The following ARHGAP24 variants were observed in gnomAD, a reference collection of about 807,000 sequenced individuals.
ARHGAP24 encodes rho GTPase-activating protein 24.
Under a neutral mutation model 76.4 loss-of-function variants are expected in ARHGAP24, and 50 were observed. The ratio of observed to expected loss-of-function variants is 0.65; its 90% CI spans 0.52 to 0.83. The LOEUF is 0.83. Among genes scored for constraint, ARHGAP24 ranks in the 40% least tolerant of loss-of-function variants. The probability of loss-of-function intolerance (pLI) is 0.00; values close to 1 mark genes in which losing one functional copy is unlikely to be tolerated. For missense variants in ARHGAP24, 930 were observed against 914.2 expected (o/e 1.02, Z -0.22); for synonymous variants, 345 against 323.3 (o/e 1.07, Z -0.72).
chr4:85,912,304 A>G (rs1192894462), intron 3 of ARHGAP24, among the ~76,000 whole-genome samples: 1 of 152,168 alleles, frequency 6.6e-6, no homozygotes, highest in Non-Finnish European at 1.5e-5. Context: ...TTTAAATTCC[A>G]GGCCCATAAG....
At chr4:85,569,543 G>A (rs183790120) in intron 1 of ARHGAP24, among the ~76,000 whole-genome samples, 58 of 152,170 alleles carry the variant, frequency 3.8e-4, no homozygotes, top group African/African-American at 1.4e-3. Context: ...TTATGTATAG[G>A]TAGTATGGCC....
chr4:85,923,587 A>G (rs1735851888), intron 3 of ARHGAP24, 61 bp from the exon 4 acceptor site: 5 of 1,609,568 alleles, frequency 3.1e-6, no homozygotes, highest in Admixed American at 3.4e-5. Flanking sequence ...GTTCTTCTGG[A>G]GGCTGATCAT....
chr4:85,495,947 A>G (rs765808341), intron 1 of ARHGAP24, among the ~76,000 whole-genome samples: 7 of 152,142 alleles, frequency 4.6e-5, no homozygotes, highest in Non-Finnish European at 8.8e-5. Context: ...TTTGTGTCTC[A>G]TTTTGACTTT....
chr4:85,764,598 C>T (rs191285348), intron 3 of ARHGAP24, among the ~76,000 whole-genome samples: 11 of 152,132 alleles, frequency 7.2e-5, no homozygotes, highest in Admixed American at 5.9e-4. Context: ...AACAGGAGGT[C>T]CATTCCTCCC....
intron 3 of ARHGAP24, among the ~76,000 whole-genome samples, chr4:85,875,772 C>A (rs1191934788): frequency 1.4e-5 from 2 of 146,320 alleles, no homozygotes; most frequent in African/African-American, 5.1e-5. Context: ...TACAGAATAT[C>A]GCTCTGTTGT....
At chr4:85,610,197 C>T (rs758850862) in intron 2 of ARHGAP24, among the ~76,000 whole-genome samples, 32 of 151,848 alleles carry the variant, frequency 2.1e-4, no homozygotes, top group Middle Eastern at 3.4e-3. Context: ...TTAGGAAGCA[C>T]CCTTGGGAAG....
In ARHGAP24 at chr4:85,884,922, C is replaced by T. The variant is rs565056172; in HGVS notation, c.269-38726C>T. On this transcript the variant is annotated intron_variant, in intron 3 of 9. Transcript: ENST00000395184. ...GTATAAACATAATCTCTAAAATGTGCCACCTTTTACACAGTTATATATGGT... is the reference window on the plus strand; with the variant it reads ...GTATAAACATAATCTCTAAAATGTGTCACCTTTTACACAGTTATATATGGT... Among the ~76,000 whole-genome samples, 5 of 152,186 alleles carry T rather than the reference C, an allele frequency of 3.3e-5. No homozygotes were observed. The East Asian group carries it at 5.8e-4, about 18-fold the overall frequency.
At chr4:85,510,329 T>A (rs2062081) in intron 1 of ARHGAP24, among the ~76,000 whole-genome samples, 38,991 of 152,048 alleles carry the variant, frequency 0.26, 5,222 homozygotes, top group African/African-American at 0.33. Context: ...AAATATTTGC[T>A]ATGCATGCCA....
rs200115804 is a variant in ARHGAP24 at position 85,674,918 on chromosome 4, G to A, written c.181-46967G>A. On this transcript the variant is annotated intron_variant, in intron 2 of 9. Coordinates refer to ENST00000395184, the MANE Select transcript of ARHGAP24 (RefSeq NM_001025616.3). Reference sequence around the variant, plus strand: ...AAGCCAAAAATAGCCACAAACAAATGTACGTCTAGCCAATTAGAGTTGCAC... The same window carrying A: ...AAGCCAAAAATAGCCACAAACAAATATACGTCTAGCCAATTAGAGTTGCAC... 3.3e-5 allele frequency among the ~76,000 whole-genome samples: 5 copies of A among 152,192 alleles called. 1 individual carries two copies. Among genetic ancestry groups the A allele is most frequent in the East Asian group, 3.9e-4 (2 of 5,188 alleles).
intron 5 of ARHGAP24, among the ~76,000 whole-genome samples, chr4:85,951,297 G>T (rs1737602227): frequency 6.6e-6 from 1 of 151,808 alleles, no homozygotes; most frequent in Non-Finnish European, 1.5e-5. Context: ...CCCAGAGGAT[G>T]GTGAGGTTAT....
At chr4:85,626,733 CTT>C (rs1720968337) in intron 2 of ARHGAP24, among the ~76,000 whole-genome samples, 1 of 152,136 alleles carries the variant, frequency 6.6e-6, no homozygotes, top group Non-Finnish European at 1.5e-5. Flanking sequence ...TAGATTTGGT[CTT>C]TTCACATAGT....
Position 85,537,225 on chromosome 4 carries a change from G to A in ARHGAP24, c.-20-33297G>A, listed in dbSNP as rs142364381. Among the ~76,000 whole-genome samples the A allele has an allele frequency of 2.2e-3, 341 of 152,188 alleles. 1 individual carries two copies. Among genetic ancestry groups the A allele is most frequent in the Admixed American group, 3.5e-3 (54 of 15,302 alleles). ...TGTACACGAAGGAATTATAAGACAC[G>A]ATTCTTGACCTTGAGAGGTTTTCCA... On this transcript the variant is annotated intron_variant, in intron 1 of 9. Coordinates refer to ENST00000395184, the MANE Select transcript of ARHGAP24 (RefSeq NM_001025616.3).
intron 2 of ARHGAP24, among the ~76,000 whole-genome samples, chr4:85,641,250 A>T (rs2109970612): frequency 6.6e-6 from 1 of 152,274 alleles, no homozygotes; most frequent in African/African-American, 2.4e-5. Context: ...GTGCAACACC[A>T]TTCTTGGCCT....
At chr4:85,903,192 G>C (rs1222544890) in intron 3 of ARHGAP24, among the ~76,000 whole-genome samples, 1 of 152,000 alleles carries the variant, frequency 6.6e-6, no homozygotes, top group African/African-American at 2.4e-5. Flanking sequence ...TATTAGGAAG[G>C]GAACAAGGTC....
chr4:85,990,630 AT>A (rs1740267420), intron 8 of ARHGAP24: 1 of 151,878 alleles, frequency 6.6e-6, no homozygotes, highest in Non-Finnish European at 1.5e-5. Context: ...ATGTGTAGTC[AT>A]TTGATTTTTG....
At chr4:85,732,767 C>T (rs1408806857) in intron 3 of ARHGAP24, among the ~76,000 whole-genome samples, 1 of 148,776 alleles carries the variant, frequency 6.7e-6, no homozygotes, top group Non-Finnish European at 1.5e-5. Flanking sequence ...GATCTCAGCT[C>T]ACTGCAACCT....
chr4:85,778,862 A>T (rs1727413370), intron 3 of ARHGAP24: 2 of 985,358 alleles, frequency 2.0e-6, no homozygotes, highest in Admixed American at 6.1e-5. Flanking sequence ...CAAGCTCTGT[A>T]CTTTTTTGCC....
At chr4:85,745,250 G>A (rs1267301682) in intron 3 of ARHGAP24, among the ~76,000 whole-genome samples, 4 of 144,430 alleles carry the variant, frequency 2.8e-5, no homozygotes, top group Middle Eastern at 3.3e-3. Flanking sequence ...ACAAGCCTGG[G>A]CAAGATGGCG....
chr4:85,637,385 G>A (rs1721345077), intron 2 of ARHGAP24, among the ~76,000 whole-genome samples: 1 of 152,050 alleles, frequency 6.6e-6, no homozygotes, highest in Non-Finnish European at 1.5e-5. Flanking sequence ...AGATCATGAA[G>A]AATAGGTGTT....
Sources: allele counts gnomAD v4.1 joint callset (sites outside exome capture counted in the v4.1 genomes callset), GRCh38; gene constraint gnomAD v4.1.1; transcripts MANE v1.5; gene names NCBI Gene and HGNC (gene_info 2026-07-23, HGNC 2026-07-21).